Variants in DNM3 observed in about 807,000 individuals in gnomAD.
The protein encoded by DNM3 is dynamin 3.
Under a neutral mutation model 101.6 loss-of-function variants are expected in DNM3, and 47 were observed. The observed-to-expected ratio is 0.46, with a 90% confidence interval of 0.37 to 0.59. The LOEUF (loss-of-function observed/expected upper bound fraction) is 0.59. Ranked by LOEUF, DNM3 falls within the 20% of genes least tolerant of loss-of-function variation. The probability of loss-of-function intolerance (pLI) is 0.00; values close to 1 mark genes in which losing one functional copy is unlikely to be tolerated. For missense variants in DNM3, 849 were observed against 1,085.7 expected (o/e 0.78, Z 3.06); for synonymous variants, 385 against 387.9 (o/e 0.99, Z 0.09).
chr1:172,031,174 T>C (rs865840060), intron 4 of DNM3, among the ~76,000 whole-genome samples: 1 of 152,130 alleles, frequency 6.6e-6, no homozygotes. Flanking sequence ...AGTGATAGAC[T>C]GCTAAAGAAA....
At chr1:171,946,003 C>T (rs754024457) in intron 2 of DNM3, among the ~76,000 whole-genome samples, 7 of 152,220 alleles carry the variant, frequency 4.6e-5, no homozygotes, top group South Asian at 2.1e-4. Context: ...TGGTGCCTTG[C>T]GCAGCTGGAG....
intron 17 of DNM3, among the ~76,000 whole-genome samples, chr1:172,327,611 A>G (rs1465533885): frequency 6.6e-6 from 1 of 152,164 alleles, no homozygotes; most frequent in African/African-American, 2.4e-5. Context: ...AAAAGTCAGA[A>G]CACTCTAAGC....
chr1:172,042,513 G>A (rs1442112002), intron 8 of DNM3, among the ~76,000 whole-genome samples: 2 of 152,142 alleles, frequency 1.3e-5, no homozygotes, highest in Admixed American at 6.6e-5. Flanking sequence ...GACAAAATAC[G>A]AAAGTTTCAA....
chr1:172,196,269 G>A (rs1307031331), intron 14 of DNM3, among the ~76,000 whole-genome samples: 1 of 151,968 alleles, frequency 6.6e-6, no homozygotes, highest in African/African-American at 2.4e-5. Context: ...ATTCCGTGGT[G>A]TATATGTACC....
intron 14 of DNM3, among the ~76,000 whole-genome samples, chr1:172,229,082 A>G (rs1181075655): frequency 6.6e-6 from 1 of 152,174 alleles, no homozygotes; most frequent in Non-Finnish European, 1.5e-5. Flanking sequence ...ATTTTGCTGT[A>G]AAGTATCCAA....
chr1:172,283,205 T>C (rs1431474812), intron 15 of DNM3, among the ~76,000 whole-genome samples: 3 of 152,200 alleles, frequency 2.0e-5, no homozygotes, highest in Non-Finnish European at 4.4e-5. Context: ...CTTCATCTGC[T>C]GCTGTCATCT....
chr1:172,382,706 T>C (rs966396542), intron 18 of DNM3, among the ~76,000 whole-genome samples: 1 of 152,166 alleles, frequency 6.6e-6, no homozygotes, highest in African/African-American at 2.4e-5. Flanking sequence ...GACAGTTAAT[T>C]TTACTTGAAG....
chr1:172,070,767 A>G (rs1378069462), intron 11 of DNM3, among the ~76,000 whole-genome samples: 5 of 152,042 alleles, frequency 3.3e-5, no homozygotes, highest in African/African-American at 9.7e-5. Context: ...TAACTCACAG[A>G]CATTTTGTGA....
chr1:172,029,584 C>T (rs376799308), intron 4 of DNM3, among the ~76,000 whole-genome samples: 3 of 151,896 alleles, frequency 2.0e-5, no homozygotes, highest in South Asian at 4.2e-4. Flanking sequence ...AGAAATAAAG[C>T]GTATTTAAAT....
intron 14 of DNM3, among the ~76,000 whole-genome samples, chr1:172,178,551 A>T (rs996056940): frequency 4.6e-5 from 7 of 151,992 alleles, no homozygotes; most frequent in Non-Finnish European, 8.8e-5. Context: ...ATGAACATAG[A>T]TGAAGCAGTT....
intron 10 of DNM3, among the ~76,000 whole-genome samples, chr1:172,064,563 A>G (rs577922662): frequency 3.9e-5 from 6 of 152,314 alleles, no homozygotes; most frequent in African/African-American, 1.4e-4. Context: ...AATGAGTGGT[A>G]GAAAGCCTAA....
chr1:172,195,890 AG>A (rs1164171842), intron 14 of DNM3, among the ~76,000 whole-genome samples: 1 of 150,620 alleles, frequency 6.6e-6, no homozygotes, highest in African/African-American at 2.4e-5. Flanking sequence ...CCTTTTTTGT[AG>A]TAACTATCTG....
At chr1:171,932,403 C>T (rs982897430) in intron 2 of DNM3, among the ~76,000 whole-genome samples, 2 of 151,832 alleles carry the variant, frequency 1.3e-5, no homozygotes, top group Non-Finnish European at 2.9e-5. Context: ...AAACAATTTA[C>T]CTGCCTTGGC....
chr1:172,365,175 G>C (rs971895499), intron 17 of DNM3, among the ~76,000 whole-genome samples: 2 of 151,864 alleles, frequency 1.3e-5, no homozygotes, highest in African/African-American at 4.8e-5. Context: ...AATTATTAAT[G>C]TTTTAGATAA....
At chr1:172,175,010 T>C (rs1314460531) in intron 14 of DNM3, among the ~76,000 whole-genome samples, 3 of 151,630 alleles carry the variant, frequency 2.0e-5, no homozygotes, top group Admixed American at 6.6e-5. Flanking sequence ...TCATATGGAG[T>C]AAATTTAGTT....
chr1:172,305,089 G>A (rs953949830), intron 15 of DNM3, among the ~76,000 whole-genome samples: 2 of 152,006 alleles, frequency 1.3e-5, no homozygotes, highest in South Asian at 2.1e-4. Flanking sequence ...TCAGTGAATC[G>A]AGGAGCTCAT....
intron 2 of DNM3, among the ~76,000 whole-genome samples, chr1:171,960,994 G>T (rs2043178630): frequency 6.6e-6 from 1 of 152,136 alleles, no homozygotes; most frequent in Non-Finnish European, 1.5e-5. Context: ...AAGACCAGAA[G>T]GCTGACCAGA....
At chr1:172,197,760 G>C (rs550653384) in intron 14 of DNM3, among the ~76,000 whole-genome samples, 3 of 152,152 alleles carry the variant, frequency 2.0e-5, no homozygotes, top group Admixed American at 2.0e-4. Context: ...CATTGATTTT[G>C]TATCCTGCAA....
At chr1:172,061,979 G>T (rs192794179) in intron 10 of DNM3, among the ~76,000 whole-genome samples, 1 of 152,138 alleles carries the variant, frequency 6.6e-6, no homozygotes, top group East Asian at 1.9e-4. Flanking sequence ...TAGTGCCCAG[G>T]CTTCGAATCA....
Sources: allele counts gnomAD v4.1 joint callset (sites outside exome capture counted in the v4.1 genomes callset), GRCh38; gene constraint gnomAD v4.1.1; transcripts MANE v1.5; gene names NCBI Gene and HGNC (gene_info 2026-07-23, HGNC 2026-07-21).